The following NEDD4L variants were observed in gnomAD, a reference collection of about 807,000 sequenced individuals.
The protein encoded by NEDD4L is NEDD4 like E3 ubiquitin protein ligase, also known as E3 ubiquitin-protein ligase NEDD4-like.
Under a neutral mutation model 148.9 loss-of-function variants are expected in NEDD4L, and 54 were observed. That is an observed-to-expected ratio of 0.36 (90% CI 0.29 to 0.45). NEDD4L has a LOEUF of 0.45. NEDD4L is among the 20% of genes least tolerant of loss of function. The probability of loss-of-function intolerance (pLI) is 1.00; values close to 1 mark genes in which losing one functional copy is unlikely to be tolerated. For synonymous variants in NEDD4L, 433 were observed against 440.7 expected, an observed-to-expected ratio of 0.98 and a Z score of 0.22; for missense variants, 856 against 1,233.8, an observed-to-expected ratio of 0.69 and a Z score of 4.59.
At chr18:58,291,474 TG>T (rs1266900875) in intron 5 of NEDD4L, among the ~76,000 whole-genome samples, 2 of 152,218 alleles carry the variant, frequency 1.3e-5, no homozygotes, top group Non-Finnish European at 2.9e-5. Flanking sequence ...CTAGCACCAT[TG>T]GTTCAGTTTT....
intron 5 of NEDD4L, among the ~76,000 whole-genome samples, chr18:58,290,812 T>A (rs781401907): frequency 1.3e-5 from 2 of 152,154 alleles, no homozygotes; most frequent in Non-Finnish European, 2.9e-5. Context: ...GCTCTTAAAG[T>A]TAGCACCCTA....
At chr18:58,210,624 T>C (rs526730) in intron 2 of NEDD4L, among the ~76,000 whole-genome samples, 44,081 of 152,076 alleles carry the variant, frequency 0.29, 7,032 homozygotes, top group East Asian at 0.48. Flanking sequence ...AATTTTGTAT[T>C]TTTAGTAGAG....
At chr18:58,266,007 AT>A (rs1215571321) in intron 5 of NEDD4L, among the ~76,000 whole-genome samples, 1 of 152,098 alleles carries the variant, frequency 6.6e-6, no homozygotes, top group Non-Finnish European at 1.5e-5. Flanking sequence ...TGTAAGAAAA[AT>A]GCTAATCTGT....
chr18:58,230,482 A>G (rs1463643621), intron 2 of NEDD4L, among the ~76,000 whole-genome samples: 1 of 151,076 alleles, frequency 6.6e-6, no homozygotes, highest in Non-Finnish European at 1.5e-5. Context: ...TCAAGACACT[A>G]TGTGAAATGA....
At chr18:58,112,169 C>T (rs1354853985) in intron 1 of NEDD4L, among the ~76,000 whole-genome samples, 1 of 152,190 alleles carries the variant, frequency 6.6e-6, no homozygotes, top group Admixed American at 6.5e-5. Flanking sequence ...TCTTACCTTC[C>T]ATTACCAGAC....
chr18:58,245,613 C>A, intron 3 of NEDD4L, 105 bp downstream of exon 3: 4 of 491,842 alleles, frequency 8.1e-6, no homozygotes, highest in Non-Finnish European at 1.1e-5. Flanking sequence ...GGACTACTTA[C>A]ACAGTGATAG....
At chr18:58,076,526 T>C (rs2083166698) in intron 1 of NEDD4L, among the ~76,000 whole-genome samples, 1 of 152,186 alleles carries the variant, frequency 6.6e-6, no homozygotes, top group African/African-American at 2.4e-5. Flanking sequence ...CAGGACCACG[T>C]TGGGAAAAGG....
chr18:58,373,176 T>C lies in NEDD4L; in HGVS notation c.2259T>C (p.Asp753=). ...QITLNDMESV[D]SEYYNSLKWI... is the part of the protein sequence containing the mutation. ...TTCACTCCTGTGTCATTCTGTAGGATAGTGAATATTACAACTCTTTGAAAT... is the reference window on the plus strand; with the variant it reads ...TTCACTCCTGTGTCATTCTGTAGGACAGTGAATATTACAACTCTTTGAAAT... The change falls in exon 24 of 31, where the codon GAT becomes GAC. Residue 753 remains aspartate, a splice_region_variant and synonymous_variant. Transcript: ENST00000400345. The C allele has an allele frequency of 6.5e-7, 1 of 1,532,874 alleles. No homozygotes were observed. Among genetic ancestry groups the C allele is most frequent in the Non-Finnish European group, 8.9e-7 (1 of 1,124,426 alleles). 95.0% of individuals were successfully genotyped at this position (1,532,874 alleles called of 1,614,324 possible).
Position 58,165,805 on chromosome 18 carries a change from C to T in NEDD4L, c.66C>T (p.Leu22=). 2 of 1,611,108 alleles carry T rather than the reference C, an allele frequency of 1.2e-6. No individual in the cohort carries two copies. The highest frequency in any genetic ancestry group is 1.7e-6 in the Non-Finnish European group (2 of 1,178,472). ...TCTCACAGGGAGAGTCCCGTATTCT[C>T]AGAGTAAAAGTTGTTTCTGGAATTG... is the stretch of plus-strand genomic sequence containing the variant. ...LSEDEGESRI[L]RVKVVSGIDL... Residue 22 remains leucine, a synonymous_variant, in exon 2 of 31, where the codon CTC becomes CTT. Transcript: ENST00000400345.
intron 1 of NEDD4L, among the ~76,000 whole-genome samples, chr18:58,098,262 G>A (rs2084545480): frequency 6.6e-6 from 1 of 152,086 alleles, no homozygotes; most frequent in African/African-American, 2.4e-5. Context: ...CTGTTGCCCA[G>A]CCTGCAGGTG....
chr18:58,181,586 T>C (rs186566387), intron 2 of NEDD4L, among the ~76,000 whole-genome samples: 28 of 152,266 alleles, frequency 1.8e-4, no homozygotes, highest in Admixed American at 1.8e-3. Flanking sequence ...CATGCAACCA[T>C]GCCCAGCTAA....
chr18:58,076,517 A>G (rs1568180795), intron 1 of NEDD4L, among the ~76,000 whole-genome samples: 1 of 152,244 alleles, frequency 6.6e-6, no homozygotes, highest in African/African-American at 2.4e-5. Context: ...AAATGGTAGC[A>G]GGACCACGTT....
intron 2 of NEDD4L, among the ~76,000 whole-genome samples, chr18:58,223,936 G>C (rs951140316): frequency 4.6e-5 from 7 of 152,182 alleles, no homozygotes; most frequent in African/African-American, 1.7e-4. Context: ...GCCTGGCCAG[G>C]TTTTCTCAGT....
intron 1 of NEDD4L, among the ~76,000 whole-genome samples, chr18:58,151,716 C>T (rs1056972838): frequency 6.7e-6 from 1 of 148,594 alleles, no homozygotes; most frequent in Admixed American, 6.8e-5. Flanking sequence ...TTAATAGTAA[C>T]TTAATTGACT....
At chr18:58,166,928 C>T (rs1427377073) in intron 2 of NEDD4L, among the ~76,000 whole-genome samples, 1 of 152,168 alleles carries the variant, frequency 6.6e-6, no homozygotes, top group East Asian at 1.9e-4. Flanking sequence ...CCCACAGAAG[C>T]CTTTTGCTGC....
Position 58,396,335 on chromosome 18 carries a change from A to C in NEDD4L, c.*66A>C. The C allele has an allele frequency of 8.7e-7, 1 of 1,149,938 alleles. No individual in the cohort carries two copies. Among genetic ancestry groups the C allele is most frequent in the Non-Finnish European group, 1.3e-6 (1 of 777,180 alleles). The allele number at this position is 1,149,938 out of a possible 1,614,324, so 71.2% of individuals were successfully genotyped here. A position where few individuals can be genotyped will look rare whatever the true frequency, so the allele number is the denominator to read the frequency against. On this transcript the variant is annotated 3_prime_UTR_variant, in exon 31 of 31. Transcript: ENST00000400345. ...CTGCTTGCACTTTTGCATTTGCCTAACAGACTTTTGCAGAGGCGATGGCAG... is the reference window on the plus strand; with the variant it reads ...CTGCTTGCACTTTTGCATTTGCCTACCAGACTTTTGCAGAGGCGATGGCAG...
At chr18:58,133,302 C>G (rs991567550) in intron 1 of NEDD4L, among the ~76,000 whole-genome samples, 2 of 152,194 alleles carry the variant, frequency 1.3e-5, no homozygotes. Flanking sequence ...ACTGTTTCCA[C>G]TGCTCCCCTG....
At chr18:58,177,519 T>C (rs2038318007) in intron 2 of NEDD4L, among the ~76,000 whole-genome samples, 2 of 152,190 alleles carry the variant, frequency 1.3e-5, no homozygotes. Context: ...CTCGTTTCTC[T>C]GAACCTTTTT....
chr18:58,220,716 C>T (rs2043659011), intron 2 of NEDD4L, among the ~76,000 whole-genome samples: 1 of 152,186 alleles, frequency 6.6e-6, no homozygotes, highest in Admixed American at 6.5e-5. Flanking sequence ...ATTAGAGCCG[C>T]ATCTGCTGGG....
Sources: gnomAD v4.1 joint callset for allele counts (sites outside exome capture counted in the v4.1 genomes callset) on GRCh38, gnomAD v4.1.1 for gene constraint, MANE v1.5 for transcripts, NCBI Gene and HGNC (gene_info 2026-07-23, HGNC 2026-07-21) for gene names.